C11orf98: variants seen among roughly 807,000 people sequenced by gnomAD.
C11orf98 encodes 28S rRNA/ribosome and sororin micro-cofactor.
Under a neutral mutation model 10.9 loss-of-function variants are expected in C11orf98, and 7 were observed. The ratio of observed to expected loss-of-function variants is 0.64; its 90% CI spans 0.37 to 1.21. C11orf98 has a LOEUF of 1.21. C11orf98 is among the 50% of genes most tolerant of loss of function. The pLI is 0.02. For missense variants in C11orf98, 181 were observed against 153.7 expected (o/e 1.18, Z -0.94); for synonymous variants, 70 against 57.2 (o/e 1.22, Z -1.01).
rs767806600 is a variant in C11orf98 at position 62,664,930 on chromosome 11, C to G, written c.83G>C (p.Arg28Pro). 8 of 1,607,242 alleles carry G rather than the reference C, an allele frequency of 5.0e-6. No individual in the cohort carries two copies. The Admixed American group carries it at 8.5e-5, about 17-fold the overall frequency. Reference protein sequence around the residue: ...KLFKRRRVLNRERRLRHRVVG... With the variant: ...KLFKRRRVLNPERRLRHRVVG... ...CACCCGGTGCCTCAGACGCCGCTCC[C>G]GATTCAACACCCGCCGGCGTTTGAA... The change falls in exon 2 of 4, where the codon CGG (arginine) becomes CCG (proline). Residue 28 changes from arginine to proline, a missense_variant. Transcript: ENST00000524958.
intron 2 of C11orf98, among the ~76,000 whole-genome samples, chr11:62,664,279 G>C (rs1944731545): frequency 6.8e-6 from 1 of 147,848 alleles, no homozygotes; most frequent in Non-Finnish European, 1.5e-5. Context: ...CTGTGTGAAT[G>C]TATAACATTA....
Position 62,664,929 on chromosome 11 carries a change from C to G in C11orf98, c.84G>C (p.Arg28=). 6.2e-7 allele frequency: 1 copy of G among 1,607,346 alleles called. No individual in the cohort carries two copies. The highest frequency in any genetic ancestry group is 8.5e-7 in the Non-Finnish European group (1 of 1,177,234). The part of the protein sequence containing the change: ...KLFKRRRVLN[R]ERRLRHRVVG... ...CCACCCGGTGCCTCAGACGCCGCTCCCGATTCAACACCCGCCGGCGTTTGA... is the reference window on the plus strand; with the variant it reads ...CCACCCGGTGCCTCAGACGCCGCTCGCGATTCAACACCCGCCGGCGTTTGA... The change falls in exon 2 of 4, where the codon CGG becomes CGC. Residue 28 remains arginine, a synonymous_variant. Coordinates refer to ENST00000524958, the MANE Select transcript of C11orf98 (RefSeq NM_001286086.2).
Position 62,665,148 on chromosome 11 carries a change from TC to T in C11orf98, c.21del (p.Ile8SerfsTer8). On this transcript the variant is annotated frameshift_variant, in exon 1 of 4. Coordinates refer to ENST00000524958, the MANE Select transcript of C11orf98 (RefSeq NM_001286086.2). LOFTEE classifies it high-confidence loss of function. ...ACAGTCACCGTTCGGGGCCGGTTGA[TC>T]TTTCCCCCCGGAGCTCCCATAGTCG... The part of the protein sequence containing the change: MGAPGG[K>X]INRPRTELKK... The T allele has an allele frequency of 2.0e-6, 2 of 978,478 alleles. No individual in the cohort carries two copies. The highest frequency in any genetic ancestry group is 5.2e-5 in the East Asian group (2 of 38,370). The allele number at this position is 978,478 out of a possible 1,614,324, so 60.6% of individuals were successfully genotyped here.
Position 62,664,973 on chromosome 11 carries a change from C to T in C11orf98, c.40G>A (p.Glu14Lys). The change falls in exon 2 of 4, where the codon GAG becomes AAG. Residue 14 changes from glutamate (E) to lysine (K), a missense_variant and splice_region_variant. Physicochemically the swap from Glu to Lys is moderately conservative, Grantham distance 56. Transcript: ENST00000524958. ...PGGKINRPRTELKKKLFKRRR... is the reference protein window; with the variant it reads ...PGGKINRPRTKLKKKLFKRRR... ...CGTTTGAACAGCTTCTTCTTCAGCT[C>T]CTGCCGGGGAGAAAGATGCGAATCA... The T allele has an allele frequency of 3.1e-6, 5 of 1,611,210 alleles. No homozygotes were observed. Among genetic ancestry groups the T allele is most frequent in the Non-Finnish European group, 4.2e-6 (5 of 1,179,788 alleles).
chr11:62,663,384 G>A (rs1944705674), intron 2 of C11orf98, 51 bp from the exon 3 acceptor site: 2 of 1,562,970 alleles, frequency 1.3e-6, no homozygotes, highest in South Asian at 1.1e-5. Context: ...AACCAACTGA[G>A]GTCACACAAA....
chr11:62,664,783 G>C (rs1590845871), intron 2 of C11orf98, 66 bp downstream of exon 2: 1 of 1,533,520 alleles, frequency 6.5e-7, no homozygotes, highest in Admixed American at 2.0e-5. Context: ...AAGCTGCTCC[G>C]GAGCTCTGCA....
At chr11:62,665,214 G>C, upstream of C11orf98, 1 of 788,676 alleles carries the variant, frequency 1.3e-6, no homozygotes, top group Non-Finnish European at 2.2e-6. Context: ...TCCGCTCAGC[G>C]CCGGATCCGC....
intron 2 of C11orf98, among the ~76,000 whole-genome samples, 184 bp downstream of exon 2, chr11:62,664,665 G>A (rs1050585587): frequency 2.0e-5 from 3 of 152,080 alleles, no homozygotes; most frequent in Non-Finnish European, 4.4e-5. Flanking sequence ...AAAACCCAAA[G>A]AAAGGTTGTC....
At position 62,663,025 on chromosome 11, in the gene C11orf98, T is replaced by C. The variant is rs562760434; in HGVS notation, c.*25A>G. The C allele has an allele frequency of 6.1e-5, 93 of 1,524,622 alleles. No homozygotes were observed. In the South Asian group the frequency reaches 7.0e-4, roughly 11 times the overall value. 94.4% of individuals were successfully genotyped at this position (1,524,622 alleles called of 1,614,324 possible). ...CACTGAGTCTGAAGGCTGGCTCCAG[T>C]TGAGAATCTTCTAGTGGAAGAGGTT... On this transcript the variant is annotated 3_prime_UTR_variant, in exon 4 of 4. Coordinates refer to ENST00000524958, the MANE Select transcript of C11orf98 (RefSeq NM_001286086.2).
rs545671087 is a variant in C11orf98, at chr11:62,662,931, G to A, written c.*119C>T. The A allele has an allele frequency of 9.8e-5, 74 of 754,764 alleles. No homozygotes were observed. Among genetic ancestry groups the A allele is most frequent in the Non-Finnish European group, 1.5e-4 (70 of 470,912 alleles). 46.8% of individuals were successfully genotyped at this position (754,764 alleles called of 1,614,324 possible). A position where few individuals can be genotyped will look rare whatever the true frequency, so the allele number is the denominator to read the frequency against. On this transcript the variant is annotated 3_prime_UTR_variant, in exon 4 of 4. Transcript: ENST00000524958. ...ACATCCCTCTAGGGGAGGTCAGTAG[G>A]CCATTAGGTAGGAGGAAATCTGGAG...
At position 62,662,858 on chromosome 11, in the gene C11orf98, G is replaced by A. The variant is rs1433779586; in HGVS notation, c.*192C>T. The A allele has an allele frequency of 6.8e-6, 4 of 591,916 alleles. No homozygotes were observed. Among genetic ancestry groups the A allele is most frequent in the Non-Finnish European group, 3.0e-6 (1 of 334,974 alleles). 36.7% of individuals were successfully genotyped at this position (591,916 alleles called of 1,614,324 possible). On this transcript the variant is annotated 3_prime_UTR_variant, in exon 4 of 4. Transcript: ENST00000524958. Reference sequence around the variant, plus strand: ...TTATTACAAATGGAGTTGACTGCTAGAGAGGCCCTTCTCCAATCTTTCTTC... The same window carrying A: ...TTATTACAAATGGAGTTGACTGCTAAAGAGGCCCTTCTCCAATCTTTCTTC...
Position 62,662,855 on chromosome 11 carries a change from C to A in C11orf98, c.*195G>T. 1.7e-6 allele frequency: 1 copy of A among 589,030 alleles called. No individual in the cohort carries two copies. The allele number at this position is 589,030 out of a possible 1,614,324, so 36.5% of individuals were successfully genotyped here. On this transcript the variant is annotated 3_prime_UTR_variant, in exon 4 of 4. Transcript: ENST00000524958. ...GCTTTATTACAAATGGAGTTGACTG[C>A]TAGAGAGGCCCTTCTCCAATCTTTC...
rs985845589 is a variant in C11orf98, at chr11:62,662,901, C to T, written c.*149G>A. The T allele has an allele frequency of 9.5e-6, 6 of 631,178 alleles. No individual in the cohort carries two copies. Among genetic ancestry groups the T allele is most frequent in the Non-Finnish European group, 2.7e-6 (1 of 365,348 alleles). The allele number at this position is 631,178 out of a possible 1,614,324, so 39.1% of individuals were successfully genotyped here. On this transcript the variant is annotated 3_prime_UTR_variant, in exon 4 of 4. Transcript: ENST00000524958. ...CTTTCTTCTGTACCTTCTTCCCTCC[C>T]AAAGACATCCCTCTAGGGGAGGTCA... is the stretch of plus-strand genomic sequence containing the variant.
At position 62,663,253 on chromosome 11, in the gene C11orf98, T is replaced by C; in HGVS notation, c.245A>G (p.Glu82Gly). The C allele has an allele frequency of 6.2e-7, 1 of 1,614,176 alleles. No homozygotes were observed. The highest frequency in any genetic ancestry group is 1.3e-5 in the African/African-American group (1 of 75,052). Residue 82 changes from glutamate (E) to glycine (G), a missense_variant, in exon 3 of 4, where the codon GAG (glutamate) becomes GGG (glycine). Transcript: ENST00000524958. ...AGCCTCACCTTCCATGGCTGTCTTCTCTTTCTGGGCAAGCCGGATCTGCTG... is the reference window on the plus strand; with the variant it reads ...AGCCTCACCTTCCATGGCTGTCTTCCCTTTCTGGGCAAGCCGGATCTGCTG... Reference protein sequence around the residue: ...LLQQIRLAQKEKTAMEVEAPS... With the variant: ...LLQQIRLAQKGKTAMEVEAPS...
intron 1 of C11orf98, 65 bp downstream of exon 1, chr11:62,665,066 C>T (rs1381441869): frequency 6.4e-7 from 1 of 1,559,916 alleles, no homozygotes; most frequent in Non-Finnish European, 8.7e-7. Context: ...CTGATCCCAT[C>T]TCGTGCGAGA....
chr11:62,664,721 C>A lies in C11orf98; in HGVS notation c.164+128G>T, dbSNP rs527663198. The A allele has an allele frequency of 1.4e-5, 18 of 1,252,632 alleles. No homozygotes were observed. In the South Asian group the frequency reaches 1.8e-4, roughly 12 times the overall value. 77.6% of individuals were successfully genotyped at this position (1,252,632 alleles called of 1,614,324 possible). ...GCTATCAGAGCTTAGGAACTAACAG[C>A]CGACAGACATTCCCCGCATAAGCGT... On this transcript the variant is annotated intron_variant, in intron 2 of 3. Transcript: ENST00000524958.
Position 62,664,849 on chromosome 11 carries a change from G to A in C11orf98, c.164C>T (p.Ala55Val). The change falls in exon 2 of 4, where the codon GCG becomes GTG. Residue 55 changes from alanine to valine, a missense_variant and splice_region_variant. Physicochemically the swap from Ala to Val is moderately conservative, Grantham distance 64 (BLOSUM62 0). Transcript: ENST00000524958. ...LITRHHLKKRASSARANITLS... is the reference protein window; with the variant it reads ...LITRHHLKKRVSSARANITLS... Reference sequence around the variant, plus strand: ...AACAGGAAGAGGGTCTAGTACTTACGCCCGCTTCTTGAGGTGGTGCCGCGT... The same window carrying A: ...AACAGGAAGAGGGTCTAGTACTTACACCCGCTTCTTGAGGTGGTGCCGCGT... 6.4e-7 allele frequency: 1 copy of A among 1,565,260 alleles called. No homozygotes were observed. The highest frequency in any genetic ancestry group is 8.7e-7 in the Non-Finnish European group (1 of 1,154,532).
chr11:62,664,778 G>A, intron 2 of C11orf98, 71 bp downstream of exon 2: 1 of 1,527,934 alleles, frequency 6.5e-7, no homozygotes, highest in Non-Finnish European at 8.8e-7. Context: ...AGGTGAAGCT[G>A]CTCCGGAGCT....
chr11:62,664,487 C>G (rs141692048), intron 2 of C11orf98, among the ~76,000 whole-genome samples: 1 of 151,844 alleles, frequency 6.6e-6, no homozygotes, highest in Non-Finnish European at 1.5e-5. Flanking sequence ...CCGGCCACAA[C>G]GCCTGGCTAA....
Sources: allele counts gnomAD v4.1 joint callset (sites outside exome capture counted in the v4.1 genomes callset), GRCh38; gene constraint gnomAD v4.1.1; transcripts MANE v1.5; gene names NCBI Gene and HGNC (gene_info 2026-07-23, HGNC 2026-07-21).